IHH: variants seen among roughly 807,000 people sequenced by gnomAD.
IHH encodes indian hedgehog protein.
In IHH, 9 loss-of-function variants were observed where a neutral mutation model predicts 29.4. The ratio of observed to expected loss-of-function variants is 0.31; its 90% CI spans 0.18 to 0.53. The LOEUF (loss-of-function observed/expected upper bound fraction) is 0.53. IHH is among the 20% of genes least tolerant of loss of function. The pLI is 0.95. For missense variants in IHH, 454 were observed against 578.1 expected (o/e 0.79, Z 2.20); for synonymous variants, 254 against 252.7 (o/e 1.01, Z -0.05).
At chr2:219,058,477 C>T (rs1002800481) in intron 1 of IHH, among the ~76,000 whole-genome samples, 17 of 152,214 alleles carry the variant, frequency 1.1e-4, no homozygotes, top group African/African-American at 4.1e-4. Flanking sequence ...CCCAGACCTC[C>T]AGGACCTCTG....
At chr2:219,058,710 C>T (rs1948853529) in intron 1 of IHH, 1 of 154,864 alleles carries the variant, frequency 6.5e-6, no homozygotes, top group South Asian at 2.0e-4. Context: ...GGGCCAGGGC[C>T]TTGGTCTGAG....
Position 219,055,435 on chromosome 2 carries a change from C to G in IHH, c.1008G>C (p.Gly336=), listed in dbSNP as rs2106307031. ...CCACCACATCCTCCACCACCAGTGTCCCATGCTTTGTGAGCGGGGCGTAGG... is the reference window on the plus strand; with the variant it reads ...CCACCACATCCTCCACCACCAGTGTGCCATGCTTTGTGAGCGGGGCGTAGG... ...LGAYAPLTKH[G]TLVVEDVVAS... is the part of the protein sequence containing the mutation. The change falls in exon 3 of 3, where the codon GGG becomes GGC. Residue 336 remains glycine (G), a synonymous_variant. Coordinates refer to ENST00000295731, the MANE Select transcript of IHH (RefSeq NM_002181.4). 1 of 1,612,652 alleles carries G rather than the reference C, an allele frequency of 6.2e-7. No homozygotes were observed. Among genetic ancestry groups the G allele is most frequent in the East Asian group, 2.2e-5 (1 of 44,864 alleles).
chr2:219,057,640 C>T lies in IHH; in HGVS notation c.370G>A (p.Gly124Ser), dbSNP rs937019915. The change falls in exon 2 of 3, where the codon GGT (glycine) becomes AGT (serine). Residue 124 changes from glycine to serine, a missense_variant. By Grantham distance (56) the Gly-to-Ser change is moderately conservative. Transcript: ENST00000295731. Reference protein sequence around the residue: ...LAISVMNQWPGVKLRVTEGWD... With the variant: ...LAISVMNQWPSVKLRVTEGWD... ...CCCTCGGTCACCCGCAGCTTCACACCGGGCCACTGGTTCATCACCGAGATA... is the reference window on the plus strand; with the variant it reads ...CCCTCGGTCACCCGCAGCTTCACACTGGGCCACTGGTTCATCACCGAGATA... 7 of 1,612,650 alleles carry T rather than the reference C, an allele frequency of 4.3e-6. No homozygotes were observed. The highest frequency in any genetic ancestry group is 5.1e-6 in the Non-Finnish European group (6 of 1,180,008).
chr2:219,056,477 T>A (rs1025131568), intron 2 of IHH, among the ~76,000 whole-genome samples: 6 of 152,030 alleles, frequency 3.9e-5, no homozygotes, highest in African/African-American at 1.2e-4. Context: ...GAGAACAGTG[T>A]TTGGGGGTCA....
At position 219,060,396 on chromosome 2, in the gene IHH, C is replaced by A; in HGVS notation, c.72G>T (p.Ala24=). 6.2e-7 allele frequency: 1 copy of A among 1,600,228 alleles called. No individual in the cohort carries two copies. Among genetic ancestry groups the A allele is most frequent in the South Asian group, 1.1e-5 (1 of 90,844 alleles). ...CCCGACCCGGCCCGCAGCCCCATGC[C>A]GCCGGCACCACCAGCAGCAGCAACA... ...LVLLLLLVVP[A]AWGCGPGRVV... The change falls in exon 1 of 3, where the codon GCG becomes GCT. Residue 24 remains alanine (A), a synonymous_variant. Transcript: ENST00000295731. This position sits in a 1 kb window ranked among gnomAD's most constrained non-coding sequence, Gnocchi z 8.8.
At chr2:219,057,760 G>A in intron 1 of IHH, 66 bp from the exon 2 acceptor site, 2 of 1,584,334 alleles carry the variant, frequency 1.3e-6, no homozygotes, top group South Asian at 1.1e-5. Context: ...CCGAGGTGCA[G>A]GTGTAGGCGC....
chr2:219,054,814 G>T lies in IHH; in HGVS notation c.*393C>A. Reference sequence around the variant, plus strand: ...CCAGCCAGATCCATGCTGGCTCCCAGGGAATTTAGCAGCATCAACTGAGGC... The same window carrying T: ...CCAGCCAGATCCATGCTGGCTCCCATGGAATTTAGCAGCATCAACTGAGGC... On this transcript the variant is annotated 3_prime_UTR_variant, in exon 3 of 3. Coordinates refer to ENST00000295731, the MANE Select transcript of IHH (RefSeq NM_002181.4). 1 of 239,866 alleles carries T rather than the reference G, an allele frequency of 4.2e-6. No individual in the cohort carries two copies. Among genetic ancestry groups the T allele is most frequent in the Non-Finnish European group, 8.2e-6 (1 of 121,274 alleles). The allele number at this position is 239,866 out of a possible 1,614,324, so 14.9% of individuals were successfully genotyped here.
At position 219,060,444 on chromosome 2, in the gene IHH, G is replaced by A; in HGVS notation, c.24C>T (p.Pro8=). The change falls in exon 1 of 3, where the codon CCC becomes CCT. Residue 8 remains proline (P), a synonymous_variant. Coordinates refer to ENST00000295731, the MANE Select transcript of IHH (RefSeq NM_002181.4). This position sits in a 1 kb window ranked among gnomAD's most constrained non-coding sequence, Gnocchi z 8.8. Reference sequence around the variant, plus strand: ...ACAGGACCAGGCAGAAGTGCAGTCGGGGCCGGAGCCGGGCGGGAGACATGG... The same window carrying A: ...ACAGGACCAGGCAGAAGTGCAGTCGAGGCCGGAGCCGGGCGGGAGACATGG... The part of the protein sequence containing the change: MSPARLR[P]RLHFCLVLLL... 6.4e-7 allele frequency: 1 copy of A among 1,557,762 alleles called. No homozygotes were observed. The highest frequency in any genetic ancestry group is 8.6e-7 in the Non-Finnish European group (1 of 1,156,242).
chr2:219,058,413 A>G (rs974056469), intron 1 of IHH, among the ~76,000 whole-genome samples: 4 of 152,026 alleles, frequency 2.6e-5, no homozygotes, highest in Non-Finnish European at 5.9e-5. Context: ...GGGCCGCCCA[A>G]TGGGGGGCCA....
chr2:219,056,034 T>C (rs1948827988), intron 2 of IHH, among the ~76,000 whole-genome samples, 169 bp from the exon 3 acceptor site: 3 of 145,942 alleles, frequency 2.1e-5, no homozygotes, highest in African/African-American at 7.6e-5. Context: ...CTTGAACCCA[T>C]ACTTCACTGC....
rs1948819971 is a variant in IHH at position 219,055,326 on chromosome 2, C to T, written c.1117G>A (p.Gly373Ser). Residue 373 changes from glycine (G) to serine (S), a missense_variant, in exon 3 of 3, where the codon GGC (glycine) becomes AGC (serine). Coordinates refer to ENST00000295731, the MANE Select transcript of IHH (RefSeq NM_002181.4). ...PLRLFHSLAW[G>S]SWTPGEGVHW... is the part of the protein sequence containing the mutation. Reference sequence around the variant, plus strand: ...ACACCCTCCCCCGGAGTCCAGCTGCCCCATGCCAAGCTGTGAAAGAGTCTC... The same window carrying T: ...ACACCCTCCCCCGGAGTCCAGCTGCTCCATGCCAAGCTGTGAAAGAGTCTC... 6.2e-7 allele frequency: 1 copy of T among 1,613,148 alleles called. No individual in the cohort carries two copies. The highest frequency in any genetic ancestry group is 1.1e-5 in the South Asian group (1 of 91,090).
At position 219,058,509 on chromosome 2, in the gene IHH, C is replaced by A. The variant is rs371511539; in HGVS notation, c.316-815G>T. Among the ~76,000 whole-genome samples the A allele has an allele frequency of 1.6e-3, 241 of 152,288 alleles. 2 individuals are homozygous for A. The highest frequency in any genetic ancestry group is 5.6e-3 in the African/African-American group (232 of 41,560). On this transcript the variant is annotated intron_variant, in intron 1 of 2. Coordinates refer to ENST00000295731, the MANE Select transcript of IHH (RefSeq NM_002181.4). ...TCTGCACCGGTGCCCCGCCCCTATA[C>A]CGTAGGAAGGAACTCCATAAACCAA...
In IHH at chr2:219,055,583, G is replaced by A. The variant is rs1368717565; in HGVS notation, c.860C>T (p.Ala287Val). Residue 287 changes from alanine (A) to valine (V), a missense_variant, in exon 3 of 3, where the codon GCA (alanine) becomes GTA (valine). Coordinates refer to ENST00000295731, the MANE Select transcript of IHH (RefSeq NM_002181.4). ...GGCAAATGTGGCCCGGAAGCGGGCT[G>A]CCGGCTCCGTGTGATTGTCAGCCGT... ...LFTADNHTEP[A>V]ARFRATFASH... is the part of the protein sequence containing the mutation. The A allele has an allele frequency of 6.2e-7, 1 of 1,613,296 alleles. No individual in the cohort carries two copies. The highest frequency in any genetic ancestry group is 8.5e-7 in the Non-Finnish European group (1 of 1,179,912).
In IHH at chr2:219,059,787, G is replaced by T. The variant is rs1010982541; in HGVS notation, c.315+366C>A. 2.0e-5 allele frequency among the ~76,000 whole-genome samples: 3 copies of T among 152,254 alleles called. No individual in the cohort carries two copies. The highest frequency in any genetic ancestry group is 2.9e-5 in the Non-Finnish European group (2 of 68,046). On this transcript the variant is annotated intron_variant, in intron 1 of 2. Transcript: ENST00000295731. This position sits in a 1 kb window ranked among gnomAD's most constrained non-coding sequence, Gnocchi z 4.7. The stretch of plus-strand genomic sequence containing the variant: ...ATGAAAGGGGCACAGCTGTGCAGAA[G>T]GTTAGGCCGGGAGGGACTGCGTGGG...
In IHH at chr2:219,056,114, T is replaced by C. The variant is rs568677357; in HGVS notation, c.578-249A>G. ...CAGCCTAATACCTTGCCAAGGAGCATAGTGGGGCTCCAAGACCCAGTGGAT... is the reference window on the plus strand; with the variant it reads ...CAGCCTAATACCTTGCCAAGGAGCACAGTGGGGCTCCAAGACCCAGTGGAT... On this transcript the variant is annotated intron_variant, in intron 2 of 2. Coordinates refer to ENST00000295731, the MANE Select transcript of IHH (RefSeq NM_002181.4). Among the ~76,000 whole-genome samples, 12 of 151,844 alleles carry C rather than the reference T, an allele frequency of 7.9e-5. No individual in the cohort carries two copies. In the South Asian group the frequency reaches 1.0e-3, roughly 13 times the overall value.
rs1391931327 is a variant in IHH, at chr2:219,055,111, C to A, written c.*96G>T. ...CAGAGGAGATGGCAGGAGCCAGTGTCCCCCAGCTCAGGTCCCTTCCAGGGC... is the reference window on the plus strand; with the variant it reads ...CAGAGGAGATGGCAGGAGCCAGTGTACCCCAGCTCAGGTCCCTTCCAGGGC... On this transcript the variant is annotated 3_prime_UTR_variant, in exon 3 of 3. Transcript: ENST00000295731. 5 of 1,298,702 alleles carry A rather than the reference C, an allele frequency of 3.9e-6. No homozygotes were observed. In the East Asian group the frequency reaches 1.3e-4, roughly 33 times the overall value. The allele number at this position is 1,298,702 out of a possible 1,614,324, so 80.4% of individuals were successfully genotyped here. A position where few individuals can be genotyped will look rare whatever the true frequency, so the allele number is the denominator to read the frequency against.
Position 219,055,021 on chromosome 2 carries a change from A to G in IHH, c.*186T>C, listed in dbSNP as rs1416713371. The stretch of plus-strand genomic sequence containing the variant: ...CAGCTCAGCTTGCAGCTCTATGACT[A>G]CACCACGACGGGGGTGGGGGACGCT... On this transcript the variant is annotated 3_prime_UTR_variant, in exon 3 of 3. Coordinates refer to ENST00000295731, the MANE Select transcript of IHH (RefSeq NM_002181.4). 4 of 655,232 alleles carry G rather than the reference A, an allele frequency of 6.1e-6. No individual in the cohort carries two copies. The highest frequency in any genetic ancestry group is 7.9e-6 in the Non-Finnish European group (3 of 378,450). The allele number at this position is 655,232 out of a possible 1,614,324, so 40.6% of individuals were successfully genotyped here. A position where few individuals can be genotyped will look rare whatever the true frequency, so the allele number is the denominator to read the frequency against.
At position 219,055,577 on chromosome 2, in the gene IHH, C is replaced by A. The variant is rs13415309; in HGVS notation, c.866G>T (p.Arg289Leu). The change falls in exon 3 of 3, where the codon CGC (arginine) becomes CTC (leucine). Residue 289 changes from arginine to leucine, a missense_variant. Coordinates refer to ENST00000295731, the MANE Select transcript of IHH (RefSeq NM_002181.4). Reference protein sequence around the residue: ...TADNHTEPAARFRATFASHVQ... With the variant: ...TADNHTEPAALFRATFASHVQ... ...GTGGCTGGCAAATGTGGCCCGGAAGCGGGCTGCCGGCTCCGTGTGATTGTC... is the reference window on the plus strand; with the variant it reads ...GTGGCTGGCAAATGTGGCCCGGAAGAGGGCTGCCGGCTCCGTGTGATTGTC... The A allele has an allele frequency of 2.5e-6, 4 of 1,612,962 alleles. No homozygotes were observed. Among genetic ancestry groups the A allele is most frequent in the Non-Finnish European group, 3.4e-6 (4 of 1,179,848 alleles).
chr2:219,055,123 G>A lies in IHH; in HGVS notation c.*84C>T. The A allele has an allele frequency of 3.5e-6, 5 of 1,437,486 alleles. No individual in the cohort carries two copies. In the South Asian group the frequency reaches 5.0e-5, roughly 14 times the overall value. 89.0% of individuals were successfully genotyped at this position (1,437,486 alleles called of 1,614,324 possible). On this transcript the variant is annotated 3_prime_UTR_variant, in exon 3 of 3. Coordinates refer to ENST00000295731, the MANE Select transcript of IHH (RefSeq NM_002181.4). ...CAGGAGCCAGTGTCCCCCAGCTCAG[G>A]TCCCTTCCAGGGCCAGCTCCCTCCT...
Sources: allele counts gnomAD v4.1 joint callset (sites outside exome capture counted in the v4.1 genomes callset), GRCh38; gene constraint gnomAD v4.1.1; non-coding constraint Gnocchi (gnomAD v3.1); transcripts MANE v1.5; gene names NCBI Gene and HGNC (gene_info 2026-07-23, HGNC 2026-07-21).